Variants in BCAS1 observed in about 807,000 individuals in gnomAD.
The protein encoded by BCAS1 is brain enriched myelin associated protein 1.
BCAS1 carries 46 observed loss-of-function variants against 65.4 expected under a neutral mutation model. The observed-to-expected ratio is 0.70, with a 90% CI of 0.55 to 0.90. The LOEUF (loss-of-function observed/expected upper bound fraction) is 0.90, where lower values mean the gene tolerates loss of function less well. Ranked by LOEUF, BCAS1 falls within the 40% of genes least tolerant of loss-of-function variation. The pLI is 0.00. For synonymous variants in BCAS1, 298 were observed against 293.5 expected (o/e 1.02, Z -0.16); for missense variants, 793 against 771.2 (o/e 1.03, Z -0.33).
At chr20:53,976,401 A>G (rs1164609129) in intron 8 of BCAS1, among the ~76,000 whole-genome samples, 1 of 152,056 alleles carries the variant, frequency 6.6e-6, no homozygotes, top group African/African-American at 2.4e-5. Flanking sequence ...CTCTGTCTAT[A>G]TCCATTTTGT....
At chr20:53,955,681 G>T (rs914813702) in intron 11 of BCAS1, among the ~76,000 whole-genome samples, 1 of 152,176 alleles carries the variant, frequency 6.6e-6, no homozygotes, top group Admixed American at 6.5e-5. Context: ...GGTGCTGTGA[G>T]AATTAAATTA....
chr20:54,017,145 G>A (rs1173549774), intron 4 of BCAS1, among the ~76,000 whole-genome samples: 3 of 152,084 alleles, frequency 2.0e-5, no homozygotes, highest in Admixed American at 6.5e-5. Flanking sequence ...AGAAAGCAAC[G>A]CACACTTGCT....
At chr20:53,987,272 C>T (rs912256262) in intron 7 of BCAS1, among the ~76,000 whole-genome samples, 30 of 152,190 alleles carry the variant, frequency 2.0e-4, no homozygotes, top group African/African-American at 7.2e-4. Context: ...ATAGTTGATA[C>T]TGGAATAGCT....
intron 9 of BCAS1, among the ~76,000 whole-genome samples, chr20:53,975,113 C>T (rs988293969): frequency 2.6e-4 from 40 of 152,190 alleles, no homozygotes; most frequent in Admixed American, 3.3e-4. Context: ...GCTGTTCTTA[C>T]GTGTAGTAGA....
chr20:53,949,178 CTGTG>C (rs988332555), intron 12 of BCAS1, among the ~76,000 whole-genome samples: 12 of 147,444 alleles, frequency 8.1e-5, no homozygotes, highest in African/African-American at 3.0e-4. Flanking sequence ...TCATATGTGT[CTGTG>C]TGTGCGTATA....
intron 12 of BCAS1, among the ~76,000 whole-genome samples, chr20:53,946,340 T>C (rs537730597): frequency 1.1e-4 from 17 of 152,156 alleles, no homozygotes; most frequent in South Asian, 1.0e-3. Flanking sequence ...CAGGATGTCA[T>C]ATCATGGGAT....
At chr20:54,054,804 G>A (rs1166270174) in intron 3 of BCAS1, among the ~76,000 whole-genome samples, 3 of 152,190 alleles carry the variant, frequency 2.0e-5, no homozygotes, top group Non-Finnish European at 4.4e-5. Context: ...GTCTCAGACT[G>A]TTGTCCTACG....
At position 54,007,373 on chromosome 20, in the gene BCAS1, C is replaced by G. The variant is rs561164168; in HGVS notation, c.724-11323G>C. Among the ~76,000 whole-genome samples, 5 of 152,166 alleles carry G rather than the reference C, an allele frequency of 3.3e-5. No homozygotes were observed. In the South Asian group the frequency reaches 8.3e-4, roughly 25 times the overall value. ...GGACCCTATGGATCTAGGTGGCCAT[C>G]AGGATCTGCCATGATGGACGCCCTC... On this transcript the variant is annotated intron_variant, in intron 4 of 12. Coordinates refer to ENST00000688948, the MANE Select transcript of BCAS1 (RefSeq NM_001366298.2).
chr20:53,977,422 G>C (rs539272766), intron 8 of BCAS1, among the ~76,000 whole-genome samples: 1 of 152,270 alleles, frequency 6.6e-6, no homozygotes, highest in East Asian at 1.9e-4. Context: ...AAAAGTTTCA[G>C]GAATCATTAT....
At chr20:54,008,151 T>C (rs2091242685) in intron 4 of BCAS1, among the ~76,000 whole-genome samples, 1 of 152,104 alleles carries the variant, frequency 6.6e-6, no homozygotes, top group African/African-American at 2.4e-5. Flanking sequence ...GGTCTCACCA[T>C]CTCCCATGCC....
At chr20:54,050,115 A>C (rs1361364418) in intron 3 of BCAS1, among the ~76,000 whole-genome samples, 1 of 152,152 alleles carries the variant, frequency 6.6e-6, no homozygotes, top group Admixed American at 6.5e-5. Flanking sequence ...TCCAGCTTCC[A>C]GTCCAGCAGT....
At chr20:53,962,292 T>C (rs868801180) in intron 10 of BCAS1, among the ~76,000 whole-genome samples, 2 of 152,374 alleles carry the variant, frequency 1.3e-5, no homozygotes, top group Middle Eastern at 3.4e-3. Context: ...AACCCTCTGA[T>C]TTCATGGCTG....
At chr20:54,044,710 C>T (rs754811094) in intron 3 of BCAS1, among the ~76,000 whole-genome samples, 57 of 151,568 alleles carry the variant, frequency 3.8e-4, no homozygotes, top group Non-Finnish European at 5.7e-4. Context: ...CGGTGGCACG[C>T]GCCTGTAATC....
chr20:53,954,802 T>A (rs1029842051), intron 11 of BCAS1, among the ~76,000 whole-genome samples: 1 of 152,090 alleles, frequency 6.6e-6, no homozygotes, highest in African/African-American at 2.4e-5. Context: ...GGGGAGAAAA[T>A]TTAGAGCAGG....
intron 3 of BCAS1, among the ~76,000 whole-genome samples, chr20:54,038,565 C>T (rs1167653617): frequency 6.6e-6 from 1 of 151,326 alleles, no homozygotes; most frequent in Non-Finnish European, 1.5e-5. Flanking sequence ...CACCAATGAA[C>T]AGGTTGGGAA....
chr20:54,019,805 C>T (rs1305802416), intron 4 of BCAS1, among the ~76,000 whole-genome samples: 1 of 152,210 alleles, frequency 6.6e-6, no homozygotes, highest in African/African-American at 2.4e-5. Context: ...CTTTGGACTC[C>T]TGGACTTACA....
At chr20:53,976,479 C>T (rs959167465) in intron 8 of BCAS1, among the ~76,000 whole-genome samples, 17 of 151,928 alleles carry the variant, frequency 1.1e-4, no homozygotes, top group Non-Finnish European at 1.8e-4. Context: ...GTGATATTTA[C>T]AAATGTATCT....
chr20:53,966,983 G>A lies in BCAS1; in HGVS notation c.1408C>T (p.Pro470Ser), dbSNP rs1453138850. 6.2e-7 allele frequency: 1 copy of A among 1,613,264 alleles called. No individual in the cohort carries two copies. The highest frequency in any genetic ancestry group is 8.5e-7 in the Non-Finnish European group (1 of 1,179,678). ...TTGAGTTTCGCTTCTGTGGGTTCAGGTGCAGCATCTCCTTCGTTGAGGTCC... is the reference window on the plus strand; with the variant it reads ...TTGAGTTTCGCTTCTGTGGGTTCAGATGCAGCATCTCCTTCGTTGAGGTCC... ...TVDLNEGDAA[P>S]EPTEAKLKRE... Residue 470 changes from proline to serine, a missense_variant, in exon 10 of 13, where the codon CCT becomes TCT. Pro to Ser is a moderately conservative substitution (Grantham distance 74). Coordinates refer to ENST00000688948, the MANE Select transcript of BCAS1 (RefSeq NM_001366298.2).
At chr20:53,979,629 T>C (rs2090426828) in intron 8 of BCAS1, among the ~76,000 whole-genome samples, 1 of 152,148 alleles carries the variant, frequency 6.6e-6, no homozygotes, top group Non-Finnish European at 1.5e-5. Flanking sequence ...GTGGCTGTGG[T>C]GGTGGCAGTG....
Sources: allele counts gnomAD v4.1 joint callset (sites outside exome capture counted in the v4.1 genomes callset), GRCh38; gene constraint gnomAD v4.1.1; transcripts MANE v1.5; gene names NCBI Gene and HGNC (gene_info 2026-07-23, HGNC 2026-07-21).